GLDN: variants seen among roughly 807,000 people sequenced by gnomAD.
GLDN encodes the protein gliomedin.
A neutral mutation model predicts 56.5 loss-of-function variants in GLDN; 47 were observed. The ratio of observed to expected loss-of-function variants is 0.83; its 90% confidence interval spans 0.66 to 1.06. The LOEUF (loss-of-function observed/expected upper bound fraction) is 1.06. Ranked by LOEUF, GLDN falls within the 50% of genes least tolerant of loss-of-function variation. GLDN has a pLI of 0.00. For synonymous variants in GLDN, 332 were observed against 278.8 expected (o/e 1.19, Z -1.90); for missense variants, 782 against 714.3 (o/e 1.09, Z -1.08).
In GLDN at chr15:51,341,897, G is replaced by C. The variant is rs779604065; in HGVS notation, c.213G>C (p.Glu71Asp). ...GTGCCCTGCGCTCCTTCCTGGCCGA[G>C]TTGAGCCGCGCGCCGCGCGGGGCGT... ...EDSALRSFLA[E>D]LSRAPRGASA... Residue 71 changes from glutamate to aspartate, a missense_variant, in exon 1 of 10, where the codon GAG becomes GAC. Physicochemically the swap from Glu to Asp is conservative, Grantham distance 45. Coordinates refer to ENST00000335449, the MANE Select transcript of GLDN (RefSeq NM_181789.4). 6.3e-7 allele frequency: 1 copy of C among 1,588,400 alleles called. No individual in the cohort carries two copies. Among genetic ancestry groups the C allele is most frequent in the South Asian group, 1.1e-5 (1 of 90,358 alleles).
chr15:51,408,362 C>G (rs2038426531), downstream of GLDN, among the ~76,000 whole-genome samples: 1 of 152,156 alleles, frequency 6.6e-6, no homozygotes, highest in Non-Finnish European at 1.5e-5. Flanking sequence ...TTGGGCAAGT[C>G]TCTTAATCCC....
intron 4 of GLDN, among the ~76,000 whole-genome samples, chr15:51,387,028 G>A (rs1418736792): frequency 6.6e-6 from 1 of 152,146 alleles, no homozygotes; most frequent in African/African-American, 2.4e-5. Context: ...GTATATATCA[G>A]GGAGTCATTG....
intron 1 of GLDN, among the ~76,000 whole-genome samples, chr15:51,342,812 G>A (rs1011985398): frequency 7.9e-5 from 12 of 152,162 alleles, no homozygotes; most frequent in Non-Finnish European, 1.5e-4. Flanking sequence ...GTGCCCTCCT[G>A]CCCATGTGGA....
At chr15:51,391,960 G>A (rs2038031582) in intron 4 of GLDN, among the ~76,000 whole-genome samples, 2 of 152,046 alleles carry the variant, frequency 1.3e-5, no homozygotes, top group Admixed American at 1.3e-4. Flanking sequence ...TTTTTTTATT[G>A]GTTGGTTGAA....
intron 1 of GLDN, among the ~76,000 whole-genome samples, chr15:51,375,344 A>G (rs1436562188): frequency 4.6e-5 from 7 of 152,214 alleles, no homozygotes; most frequent in African/African-American, 1.7e-4. Context: ...CTAAATCTAC[A>G]CAAATATTCT....
At chr15:51,383,732 A>G in intron 3 of GLDN, 53 bp from the exon 4 acceptor site, 2 of 1,271,522 alleles carry the variant, frequency 1.6e-6, no homozygotes, top group Non-Finnish European at 2.2e-6. Flanking sequence ...ACTTCAGTGA[A>G]TAATTTTTTT....
At chr15:51,353,761 GAC>G (rs2037123423) in intron 1 of GLDN, among the ~76,000 whole-genome samples, 2 of 30,354 alleles carry the variant, frequency 6.6e-5, no homozygotes, top group Admixed American at 2.9e-4. Context: ...AAAAAAAAAA[GAC>G]ACTCTTTTAT....
chr15:51,394,800 C>A, intron 4 of GLDN, 35 bp from the exon 5 acceptor site: 1 of 1,612,868 alleles, frequency 6.2e-7, no homozygotes. Flanking sequence ...ACTTTTTGCA[C>A]CATAGGCTAA....
At chr15:51,372,652 A>G (rs2037540151) in intron 1 of GLDN, among the ~76,000 whole-genome samples, 4 of 152,138 alleles carry the variant, frequency 2.6e-5, no homozygotes. Flanking sequence ...TCATATCATG[A>G]ACTGATTAGC....
chr15:51,377,425 C>A, intron 1 of GLDN, 24 bp from the exon 2 acceptor site: 3 of 1,608,622 alleles, frequency 1.9e-6, no homozygotes, highest in Non-Finnish European at 2.6e-6. Flanking sequence ...ACTGTCTGCT[C>A]TGATGACCCT....
chr15:51,348,337 AT>A (rs5812553), intron 1 of GLDN, among the ~76,000 whole-genome samples: 45,322 of 150,426 alleles, frequency 0.3, 8,743 homozygotes, highest in African/African-American at 0.53. Flanking sequence ...ATTTTATTTT[AT>A]TTTTTTATTT....
At chr15:51,380,429 G>GT (rs1208900627) in intron 2 of GLDN, among the ~76,000 whole-genome samples, 2 of 152,210 alleles carry the variant, frequency 1.3e-5, no homozygotes, top group African/African-American at 4.8e-5. Context: ...CTGAGAAACA[G>GT]TTTTCTAAAC....
Position 51,404,990 on chromosome 15 carries a change from T to C in GLDN, c.*236T>C. On this transcript the variant is annotated 3_prime_UTR_variant, in exon 10 of 10. Transcript: ENST00000335449. ...CAAGTTACCTCTTTCTCCTTGGGCCTTAGTTTCCCCATTGGTAATCTGAAT... is the reference window on the plus strand; with the variant it reads ...CAAGTTACCTCTTTCTCCTTGGGCCCTAGTTTCCCCATTGGTAATCTGAAT... The C allele has an allele frequency of 2.4e-6, 1 of 420,446 alleles. No homozygotes were observed. The highest frequency in any genetic ancestry group is 4.2e-6 in the Non-Finnish European group (1 of 235,758). The allele number at this position is 420,446 out of a possible 1,614,324, so 26.0% of individuals were successfully genotyped here.
Position 51,362,194 on chromosome 15 carries a change from G to A in GLDN, c.364-15255G>A, listed in dbSNP as rs138453139. Among the ~76,000 whole-genome samples the A allele has an allele frequency of 2.7e-3, 412 of 152,240 alleles. 1 individual carries two copies. The highest frequency in any genetic ancestry group is 9.7e-3 in the African/African-American group (404 of 41,558). On this transcript the variant is annotated intron_variant, in intron 1 of 9. Coordinates refer to ENST00000335449, the MANE Select transcript of GLDN (RefSeq NM_181789.4). ...GAGTGGGAAGAAGAGTAATAACAAA[G>A]GAGGTCAGGGCCGGGCATGGTGGCT... is the stretch of plus-strand genomic sequence containing the variant.
intron 4 of GLDN, among the ~76,000 whole-genome samples, chr15:51,387,329 C>T (rs190772088): frequency 2.0e-4 from 30 of 152,304 alleles, no homozygotes; most frequent in African/African-American, 7.2e-4. Context: ...GGCCAACATC[C>T]ACAGTCAACA....
rs749209824 is a variant in GLDN, at chr15:51,401,688, G to T, written c.1123G>T (p.Val375Phe). 1.2e-6 allele frequency: 2 copies of T among 1,614,096 alleles called. No individual in the cohort carries two copies. Among genetic ancestry groups the T allele is most frequent in the Admixed American group, 3.3e-5 (2 of 60,018 alleles). The part of the protein sequence containing the change: ...LPYYFHGCGH[V>F]VYNNSLYYHK... The stretch of plus-strand genomic sequence containing the variant: ...ATACTATTTCCATGGCTGTGGGCAC[G>T]TTGTTTACAACAACTCTCTCTACTA... Residue 375 changes from valine (V) to phenylalanine (F), a missense_variant, in exon 9 of 10, where the codon GTT (valine) becomes TTT (phenylalanine). Coordinates refer to ENST00000335449, the MANE Select transcript of GLDN (RefSeq NM_181789.4).
Position 51,383,433 on chromosome 15 carries a change from T to A in GLDN, c.416-3T>A. On this transcript the variant is annotated splice_region_variant and splice_polypyrimidine_tract_variant and intron_variant, in intron 2 of 9. Coordinates refer to ENST00000335449, the MANE Select transcript of GLDN (RefSeq NM_181789.4). ...TCTCAACTAAATTTTTTTTCCGTTG[T>A]AGGACCTTCTGGACCACCAGGTAAG... The A allele has an allele frequency of 1.2e-6, 2 of 1,614,046 alleles. No individual in the cohort carries two copies. The highest frequency in any genetic ancestry group is 8.5e-7 in the Non-Finnish European group (1 of 1,179,952).
intron 1 of GLDN, among the ~76,000 whole-genome samples, chr15:51,365,123 T>C (rs548769832): frequency 6.6e-6 from 1 of 152,334 alleles, no homozygotes; most frequent in African/African-American, 2.4e-5. Context: ...GTCTTGGTAG[T>C]TCAAAGGTGT....
intron 1 of GLDN, among the ~76,000 whole-genome samples, chr15:51,367,185 T>A (rs531576914): frequency 6.6e-6 from 1 of 152,294 alleles, no homozygotes; most frequent in Non-Finnish European, 1.5e-5. Flanking sequence ...TGGGGTTGGA[T>A]CCTGAAGAAG....
Sources: allele counts gnomAD v4.1 joint callset (sites outside exome capture counted in the v4.1 genomes callset), GRCh38; gene constraint gnomAD v4.1.1; transcripts MANE v1.5; gene names NCBI Gene and HGNC (gene_info 2026-07-23, HGNC 2026-07-21).